PREPL: variants seen among roughly 807,000 people sequenced by gnomAD.
PREPL encodes the protein prolyl endopeptidase like.
A neutral mutation model predicts 70.6 loss-of-function variants in PREPL; 77 were observed. The observed-to-expected ratio is 1.09, with a 90% CI of 0.91 to 1.32. The LOEUF (loss-of-function observed/expected upper bound fraction) is 1.32, where lower values mean the gene tolerates loss of function less well. Among genes scored for constraint, PREPL ranks in the 40% most tolerant of loss-of-function variants. PREPL has a pLI of 0.00. For synonymous variants in PREPL, 315 were observed against 264.8 expected (o/e 1.19, Z -1.84); for missense variants, 1,002 against 778.2 (o/e 1.29, Z -3.42).
chr2:44,342,100 G>T (rs1675286455), intron 5 of PREPL, among the ~76,000 whole-genome samples: 1 of 152,060 alleles, frequency 6.6e-6, no homozygotes, highest in Non-Finnish European at 1.5e-5. Context: ...AAGATGCAAA[G>T]GTGAAACAGA....
In PREPL at chr2:44,346,389, T is replaced by A; in HGVS notation, c.-47A>T. On this transcript the variant is annotated splice_region_variant and 5_prime_UTR_variant, in exon 2 of 14. Coordinates refer to ENST00000409411, the MANE Select transcript of PREPL (RefSeq NM_001171613.2). ...GTTTTCTTGTTTAACAGGCTGAAGA[T>A]CCTGGAAAAAGTTTTGTTATGATCA... 6.2e-7 allele frequency: 1 copy of A among 1,610,062 alleles called. No individual in the cohort carries two copies. Among genetic ancestry groups the A allele is most frequent in the Non-Finnish European group, 8.5e-7 (1 of 1,178,928 alleles).
chr2:44,339,141 G>A lies in PREPL; in HGVS notation c.702+6C>T. 2 of 1,613,396 alleles carry A rather than the reference G, an allele frequency of 1.2e-6. No homozygotes were observed. Among genetic ancestry groups the A allele is most frequent in the African/African-American group, 1.3e-5 (1 of 75,036 alleles). Reference sequence around the variant, plus strand: ...CCAAATAGGAACAACGAGCATCCAGGATTACCTTAAATTCTGTAGGTTCTC... The same window carrying A: ...CCAAATAGGAACAACGAGCATCCAGAATTACCTTAAATTCTGTAGGTTCTC... On this transcript the variant is annotated splice_donor_region_variant and intron_variant, in intron 6 of 13. Transcript: ENST00000409411.
In PREPL at chr2:44,342,475, G is replaced by A. The variant is rs1361739547; in HGVS notation, c.427C>T (p.Arg143Ter). Residue 143 changes from arginine (R) to a stop codon, truncating the protein, a stop_gained, in exon 5 of 14, where the codon CGA (arginine) becomes TGA (stop). Transcript: ENST00000409411. LOFTEE classifies it high-confidence loss of function. ...QRNLRCHDVY[R>*]ATFGDNKRNE... Reference sequence around the variant, plus strand: ...CGTTTGTTATCACCAAAAGTGGCTCGATATACGTCATGACAGCGAAGGTTC... The same window carrying A: ...CGTTTGTTATCACCAAAAGTGGCTCAATATACGTCATGACAGCGAAGGTTC... 4.3e-6 allele frequency: 7 copies of A among 1,612,670 alleles called. No individual in the cohort carries two copies. Among genetic ancestry groups the A allele is most frequent in the Admixed American group, 1.7e-5 (1 of 59,910 alleles).
In PREPL at chr2:44,319,879, A is replaced by T; in HGVS notation, c.*1477T>A. ...TAGCACAGAATGACTATGCAAGTTAAATATTCATCTTAGACATGGACATTT... is the reference window on the plus strand; with the variant it reads ...TAGCACAGAATGACTATGCAAGTTATATATTCATCTTAGACATGGACATTT... On this transcript the variant is annotated 3_prime_UTR_variant, in exon 14 of 14. Transcript: ENST00000409411. The T allele has an allele frequency of 3.4e-6, 1 of 290,464 alleles. No individual in the cohort carries two copies. Among genetic ancestry groups the T allele is most frequent in the Non-Finnish European group, 6.5e-6 (1 of 152,876 alleles). 18.0% of individuals were successfully genotyped at this position (290,464 alleles called of 1,614,324 possible).
intron 2 of PREPL, among the ~76,000 whole-genome samples, chr2:44,345,168 C>G (rs1206342392): frequency 6.6e-6 from 1 of 152,108 alleles, no homozygotes; most frequent in Non-Finnish European, 1.5e-5. Context: ...TTGTCTAATG[C>G]CTACATATTA....
At chr2:44,332,233 A>G (rs1674187643) in intron 8 of PREPL, among the ~76,000 whole-genome samples, 1 of 152,190 alleles carries the variant, frequency 6.6e-6, no homozygotes, top group African/African-American at 2.4e-5. Flanking sequence ...GGCGTGAGCC[A>G]CCGTGCCCGG....
At chr2:44,360,110 C>A (rs1677526832) in intron 1 of PREPL, 1 of 158,522 alleles carries the variant, frequency 6.3e-6, no homozygotes, top group African/African-American at 2.4e-5. Context: ...TGGGGTATCT[C>A]AGGAACTCAG....
Position 44,346,333 on chromosome 2 carries a change from A to G in PREPL, c.10T>C (p.Phe4Leu). The change falls in exon 2 of 14, where the codon TTT becomes CTT. Residue 4 changes from phenylalanine (F) to leucine (L), a missense_variant. Physicochemically the swap from Phe to Leu is conservative, Grantham distance 22 (BLOSUM62 0). Coordinates refer to ENST00000409411, the MANE Select transcript of PREPL (RefSeq NM_001171613.2). ...TCTAATTTTGTTCTCACTTTTTCAA[A>G]TGCATCCATGTTTTCTGGAAGGGGT... MDA[F>L]EKVRTKLETQ... 2 of 1,612,376 alleles carry G rather than the reference A, an allele frequency of 1.2e-6. No homozygotes were observed. The highest frequency in any genetic ancestry group is 1.7e-6 in the Non-Finnish European group (2 of 1,178,808).
At chr2:44,321,772 A>G (rs1256808128) in intron 13 of PREPL, 55 bp downstream of exon 13, 1 of 1,613,642 alleles carries the variant, frequency 6.2e-7, no homozygotes, top group East Asian at 2.2e-5. Context: ...AAAATGTGAA[A>G]ACAACATGTA....
chr2:44,357,202 TA>T (rs1304098869), intron 1 of PREPL, among the ~76,000 whole-genome samples: 7 of 152,262 alleles, frequency 4.6e-5, no homozygotes, highest in African/African-American at 1.7e-4. Context: ...ACATTCCCAC[TA>T]CACATGCTAC....
chr2:44,333,326 G>A (rs1450769055), intron 7 of PREPL, among the ~76,000 whole-genome samples: 1 of 152,136 alleles, frequency 6.6e-6, no homozygotes, highest in Non-Finnish European at 1.5e-5. Context: ...TCTCAGAGCA[G>A]CAGGGTCCAG....
chr2:44,322,934 A>T (rs577325636), intron 11 of PREPL, 80 bp from the exon 12 acceptor site: 40 of 1,524,314 alleles, frequency 2.6e-5, no homozygotes, highest in Non-Finnish European at 2.6e-6. Context: ...AAAAATAATT[A>T]CCTCCAATTT....
Position 44,342,487 on chromosome 2 carries a change from G to A in PREPL, c.415C>T (p.His139Tyr). ...FYTFQRNLRC[H>Y]DVYRATFGDN... ...CCAAAAGTGGCTCGATATACGTCAT[G>A]ACAGCGAAGGTTCCTCTGGAAGGTG... is the stretch of plus-strand genomic sequence containing the variant. Residue 139 changes from histidine (H) to tyrosine (Y), a missense_variant, in exon 5 of 14, where the codon CAT becomes TAT. His to Tyr is a moderately conservative substitution (Grantham distance 83). Coordinates refer to ENST00000409411, the MANE Select transcript of PREPL (RefSeq NM_001171613.2). 1.2e-6 allele frequency: 2 copies of A among 1,612,540 alleles called. No homozygotes were observed. Among genetic ancestry groups the A allele is most frequent in the East Asian group, 4.5e-5 (2 of 44,814 alleles).
intron 13 of PREPL, 169 bp downstream of exon 13, chr2:44,321,658 A>C: frequency 1.3e-6 from 2 of 1,522,866 alleles, no homozygotes; most frequent in Non-Finnish European, 1.8e-6. Flanking sequence ...CAAGAGAGAG[A>C]CATTTCTCTT....
At chr2:44,341,220 A>G (rs576381977) in intron 5 of PREPL, among the ~76,000 whole-genome samples, 1 of 152,278 alleles carries the variant, frequency 6.6e-6, no homozygotes, top group African/African-American at 2.4e-5. Flanking sequence ...TGACATATAC[A>G]ATGATGAAAA....
Position 44,320,373 on chromosome 2 carries a change from A to C in PREPL, c.*983T>G. On this transcript the variant is annotated 3_prime_UTR_variant, in exon 14 of 14. Transcript: ENST00000409411. ...CGACAGAATCTTTATCGTGGTTCTGAATTTTGGAGAATCAACACTGTTAAA... is the reference window on the plus strand; with the variant it reads ...CGACAGAATCTTTATCGTGGTTCTGCATTTTGGAGAATCAACACTGTTAAA... 6.2e-7 allele frequency: 1 copy of C among 1,614,102 alleles called. No homozygotes were observed. Among genetic ancestry groups the C allele is most frequent in the South Asian group, 1.1e-5 (1 of 91,084 alleles).
intron 9 of PREPL, among the ~76,000 whole-genome samples, chr2:44,327,268 C>G (rs116304008): frequency 6.6e-6 from 1 of 152,080 alleles, no homozygotes; most frequent in Non-Finnish European, 1.5e-5. Context: ...AATCCCCTAC[C>G]GTGGAGAAGA....
At chr2:44,357,510 T>A (rs549357431) in intron 1 of PREPL, among the ~76,000 whole-genome samples, 1 of 152,344 alleles carries the variant, frequency 6.6e-6, no homozygotes, top group Admixed American at 6.5e-5. Flanking sequence ...GACAGCAGGA[T>A]TACTTTATCA....
chr2:44,334,134 TTAAC>T (rs1246097698), intron 7 of PREPL, among the ~76,000 whole-genome samples: 1 of 152,230 alleles, frequency 6.6e-6, no homozygotes, highest in Non-Finnish European at 1.5e-5. Context: ...GATATAAGTA[TTAAC>T]TAACTCAAGG....
Sources: gnomAD v4.1 joint callset for allele counts (sites outside exome capture counted in the v4.1 genomes callset) on GRCh38, gnomAD v4.1.1 for gene constraint, MANE v1.5 for transcripts, NCBI Gene and HGNC (gene_info 2026-07-23, HGNC 2026-07-21) for gene names.